HS3ST3A1: variants seen among roughly 807,000 people sequenced by gnomAD.
HS3ST3A1 encodes heparan sulfate-glucosamine 3-sulfotransferase 3A1, also known as heparan sulfate glucosamine 3-O-sulfotransferase 3A1.
A neutral mutation model predicts 25.7 loss-of-function variants in HS3ST3A1; 19 were observed. The observed-to-expected ratio is 0.74, with a 90% confidence interval of 0.52 to 1.08. HS3ST3A1 has a LOEUF of 1.08. Among genes scored for constraint, HS3ST3A1 ranks in the 50% least tolerant of loss-of-function variants. The pLI is 0.00. For synonymous variants in HS3ST3A1, 226 were observed against 278.6 expected (o/e 0.81, Z 1.88); for missense variants, 459 against 594.3 (o/e 0.77, Z 2.37).
chr17:13,587,661 A>C (rs573337396), intron 1 of HS3ST3A1, among the ~76,000 whole-genome samples: 3 of 152,146 alleles, frequency 2.0e-5, no homozygotes, highest in African/African-American at 7.2e-5. Context: ...AAGAGAGAGC[A>C]GGGGATGATT....
intron 1 of HS3ST3A1, among the ~76,000 whole-genome samples, chr17:13,526,490 A>T (rs868761915): frequency 1.6e-5 from 2 of 122,132 alleles, no homozygotes; most frequent in African/African-American, 7.4e-5. Flanking sequence ...ATATATATAT[A>T]TATATATATA....
chr17:13,538,554 TG>T (rs1488353089), intron 1 of HS3ST3A1, among the ~76,000 whole-genome samples: 2 of 152,258 alleles, frequency 1.3e-5, no homozygotes, highest in Admixed American at 1.3e-4. Flanking sequence ...TCTTCTGTAA[TG>T]GGAAATGAAA....
intron 1 of HS3ST3A1, among the ~76,000 whole-genome samples, chr17:13,544,143 CAT>C (rs1907015887): frequency 6.6e-6 from 1 of 152,192 alleles, no homozygotes; most frequent in South Asian, 2.1e-4. Context: ...GCTTTCCATT[CAT>C]ATGATGAAAA....
In HS3ST3A1 at chr17:13,527,793, G is replaced by T. The variant is rs76264708; in HGVS notation, c.600-30975C>A. On this transcript the variant is annotated intron_variant, in intron 1 of 1. Transcript: ENST00000284110. The stretch of plus-strand genomic sequence containing the variant: ...ATGGCTGCAGCGGATCTGGCTTTGT[G>T]GAGTTTAGCTCCCCTCCATTATCTG... Among the ~76,000 whole-genome samples, 5 of 152,264 alleles carry T rather than the reference G, an allele frequency of 3.3e-5. No homozygotes were observed. The South Asian group carries it at 1.0e-3, about 32-fold the overall frequency.
At chr17:13,587,872 G>A (rs989468092) in intron 1 of HS3ST3A1, among the ~76,000 whole-genome samples, 2 of 152,184 alleles carry the variant, frequency 1.3e-5, no homozygotes, top group African/African-American at 4.8e-5. Context: ...CAGGTCACTG[G>A]CATGCAGTTC....
At chr17:13,600,494 G>A (rs1009926960) in intron 1 of HS3ST3A1, 37 bp downstream of exon 1, 2 of 1,542,286 alleles carry the variant, frequency 1.3e-6, no homozygotes, top group South Asian at 2.4e-5. Context: ...CAGGACCCCC[G>A]GATCCTTCAG....
chr17:13,594,371 C>T (rs768122866), intron 1 of HS3ST3A1, among the ~76,000 whole-genome samples: 1 of 152,092 alleles, frequency 6.6e-6, no homozygotes, highest in Non-Finnish European at 1.5e-5. Context: ...CCTGTCCTGT[C>T]GGAACTCTCA....
chr17:13,592,183 G>A (rs1260290810), intron 1 of HS3ST3A1, among the ~76,000 whole-genome samples: 1 of 152,196 alleles, frequency 6.6e-6, no homozygotes, highest in Non-Finnish European at 1.5e-5. Flanking sequence ...GTGAATCTGG[G>A]TTTGGCAGTA....
At chr17:13,573,951 T>A (rs1020413369) in intron 1 of HS3ST3A1, among the ~76,000 whole-genome samples, 2 of 152,108 alleles carry the variant, frequency 1.3e-5, no homozygotes, top group African/African-American at 4.8e-5. Flanking sequence ...ACACCAGCTC[T>A]TCCCACGCCT....
At chr17:13,537,997 A>G (rs1906820190) in intron 1 of HS3ST3A1, among the ~76,000 whole-genome samples, 1 of 152,272 alleles carries the variant, frequency 6.6e-6, no homozygotes, top group African/African-American at 2.4e-5. Context: ...CAACTAATAC[A>G]ATAAACATTC....
Position 13,496,110 on chromosome 17 carries a change from A to G in HS3ST3A1, c.*87T>C. On this transcript the variant is annotated 3_prime_UTR_variant, in exon 2 of 2. Transcript: ENST00000284110. The stretch of plus-strand genomic sequence containing the variant: ...GAAAAAAATACTGAAACATATTTTC[A>G]GCACAAATATTAAACTGTCTCTTCT... 7.4e-7 allele frequency: 1 copy of G among 1,358,546 alleles called. No homozygotes were observed. Among genetic ancestry groups the G allele is most frequent in the Non-Finnish European group, 9.7e-7 (1 of 1,028,002 alleles). The allele number at this position is 1,358,546 out of a possible 1,614,324, so 84.2% of individuals were successfully genotyped here.
intron 1 of HS3ST3A1, among the ~76,000 whole-genome samples, chr17:13,588,319 G>GT (rs990813231): frequency 3.0e-4 from 46 of 151,986 alleles, no homozygotes; most frequent in Non-Finnish European, 5.7e-4. Context: ...TTAAATTGTT[G>GT]TTTTTTCATT....
intron 1 of HS3ST3A1, among the ~76,000 whole-genome samples, chr17:13,545,058 T>A (rs1907045899): frequency 6.6e-6 from 1 of 152,180 alleles, no homozygotes; most frequent in Non-Finnish European, 1.5e-5. Context: ...TTGTTAATGA[T>A]TGAAATAATC....
Position 13,601,408 on chromosome 17 carries a change from C to G in HS3ST3A1, c.-279G>C. Reference sequence around the variant, plus strand: ...CCATCGTCTTAGACTCGCCCAAGTCCTGAGCTTGGGGCAGCCTTGGCCCCT... The same window carrying G: ...CCATCGTCTTAGACTCGCCCAAGTCGTGAGCTTGGGGCAGCCTTGGCCCCT... On this transcript the variant is annotated 5_prime_UTR_variant, in exon 1 of 2. Coordinates refer to ENST00000284110, the MANE Select transcript of HS3ST3A1 (RefSeq NM_006042.3). The G allele has an allele frequency of 2.6e-6, 1 of 377,964 alleles. No individual in the cohort carries two copies. Among genetic ancestry groups the G allele is most frequent in the Non-Finnish European group, 4.7e-6 (1 of 213,048 alleles). The allele number at this position is 377,964 out of a possible 1,614,324, so 23.4% of individuals were successfully genotyped here.
At chr17:13,545,205 T>C (rs1423054035) in intron 1 of HS3ST3A1, among the ~76,000 whole-genome samples, 7 of 152,200 alleles carry the variant, frequency 4.6e-5, no homozygotes, top group African/African-American at 1.7e-4. Context: ...TATCGGGCCT[T>C]ACCCAGACAT....
At chr17:13,529,796 C>T (rs4792367) in intron 1 of HS3ST3A1, among the ~76,000 whole-genome samples, 45,865 of 151,904 alleles carry the variant, frequency 0.3, 7,137 homozygotes, top group Non-Finnish European at 0.33. Context: ...GAACACAACC[C>T]CAAAGTCTCC....
intron 1 of HS3ST3A1, among the ~76,000 whole-genome samples, chr17:13,591,023 A>T (rs1908410089): frequency 1.3e-5 from 2 of 149,282 alleles, no homozygotes; most frequent in Admixed American, 1.3e-4. Context: ...CGTCCTTCTG[A>T]TTACATTTAT....
At chr17:13,570,533 G>A (rs1420586096) in intron 1 of HS3ST3A1, among the ~76,000 whole-genome samples, 1 of 152,160 alleles carries the variant, frequency 6.6e-6, no homozygotes, top group Non-Finnish European at 1.5e-5. Flanking sequence ...AGGCTGGAAT[G>A]CAGTGACACA....
At chr17:13,545,735 C>T (rs899774357) in intron 1 of HS3ST3A1, among the ~76,000 whole-genome samples, 2 of 152,118 alleles carry the variant, frequency 1.3e-5, no homozygotes, top group Non-Finnish European at 2.9e-5. Flanking sequence ...TCAGCATTTT[C>T]GGGGGCCGAG....
Sources: gnomAD v4.1 joint callset for allele counts (sites outside exome capture counted in the v4.1 genomes callset) on GRCh38, gnomAD v4.1.1 for gene constraint, MANE v1.5 for transcripts, NCBI Gene and HGNC (gene_info 2026-07-23, HGNC 2026-07-21) for gene names.